Variants in SYCE3 observed in about 807,000 individuals in gnomAD.
The protein encoded by SYCE3 is testis highly expressed gene 2 protein.
Under a neutral mutation model 8.1 loss-of-function variants are expected in SYCE3, and 3 were observed. The ratio of observed to expected loss-of-function variants is 0.37; its 90% CI spans 0.17 to 0.96. The LOEUF (loss-of-function observed/expected upper bound fraction) is 0.96. Among genes scored for constraint, SYCE3 ranks in the 40% least tolerant of loss-of-function variants. SYCE3 has a pLI of 0.41. For synonymous variants in SYCE3, 36 were observed against 38.7 expected (o/e 0.93, Z 0.26); for missense variants, 83 against 110.0 (o/e 0.75, Z 1.10).
At chr22:50,561,365 T>G (rs1367777954) in intron 1 of SYCE3, among the ~76,000 whole-genome samples, 1 of 151,704 alleles carries the variant, frequency 6.6e-6, no homozygotes, top group Non-Finnish European at 1.5e-5. Flanking sequence ...GTGTGAGAGC[T>G]GATGTGGAGG....
At chr22:50,556,742 T>C (rs2069863672) in intron 1 of SYCE3, among the ~76,000 whole-genome samples, 1 of 152,192 alleles carries the variant, frequency 6.6e-6, no homozygotes, top group Non-Finnish European at 1.5e-5. Flanking sequence ...TGCAAAACCA[T>C]ATTGAGTACC....
chr22:50,561,402 G>T (rs1174698846), intron 1 of SYCE3, among the ~76,000 whole-genome samples: 5 of 152,044 alleles, frequency 3.3e-5, no homozygotes, highest in African/African-American at 1.2e-4. Context: ...AGAATTCACG[G>T]CATTTCTTGC....
intron 1 of SYCE3, among the ~76,000 whole-genome samples, chr22:50,558,280 C>T (rs533544853): frequency 2.0e-4 from 30 of 152,016 alleles, no homozygotes; most frequent in Admixed American, 1.0e-3. Flanking sequence ...AAAAATTAGC[C>T]GGGTGTGGCG....
chr22:50,561,645 T>C (rs779083608), intron 1 of SYCE3, among the ~76,000 whole-genome samples: 21 of 151,106 alleles, frequency 1.4e-4, no homozygotes, highest in Non-Finnish European at 4.4e-5. Flanking sequence ...GTCTGGTTTG[T>C]GGTCTGAGTG....
At chr22:50,556,274 AC>A (rs2069859579) in intron 2 of SYCE3, 22 bp downstream of exon 2, 1 of 1,496,514 alleles carries the variant, frequency 6.7e-7, no homozygotes, top group Non-Finnish European at 9.1e-7. Context: ...TGTCTCAGAT[AC>A]TTTTGGGTTC....
intron 1 of SYCE3, among the ~76,000 whole-genome samples, chr22:50,557,199 C>T (rs2069869161): frequency 6.6e-6 from 1 of 151,212 alleles, no homozygotes; most frequent in African/African-American, 2.4e-5. Flanking sequence ...TCTTGTTGCC[C>T]AGGCTGGAGC....
intron 1 of SYCE3, among the ~76,000 whole-genome samples, chr22:50,558,709 G>A (rs750934040): frequency 4.9e-4 from 75 of 152,296 alleles, no homozygotes; most frequent in Admixed American, 1.5e-3. Context: ...AGGTGGCAGG[G>A]CAGGGGGCTA....
intron 1 of SYCE3, among the ~76,000 whole-genome samples, chr22:50,559,440 T>C (rs2146598511): frequency 6.6e-6 from 1 of 152,334 alleles, no homozygotes; most frequent in Non-Finnish European, 1.5e-5. Flanking sequence ...ACTTCGATTT[T>C]TATTCTGAAT....
At chr22:50,552,493 A>G (rs2069819637) in intron 2 of SYCE3, among the ~76,000 whole-genome samples, 1 of 152,102 alleles carries the variant, frequency 6.6e-6, no homozygotes, top group Admixed American at 6.5e-5. Context: ...GCCCATCTCT[A>G]CTAAAAATAT....
chr22:50,556,943 T>G (rs1448860187), intron 1 of SYCE3, among the ~76,000 whole-genome samples: 1 of 152,168 alleles, frequency 6.6e-6, no homozygotes, highest in Non-Finnish European at 1.5e-5. Context: ...ACGTTTAATT[T>G]TAAAATATGA....
At chr22:50,559,149 C>T (rs1242582857) in intron 1 of SYCE3, among the ~76,000 whole-genome samples, 8 of 150,252 alleles carry the variant, frequency 5.3e-5, no homozygotes, top group South Asian at 4.2e-4. Flanking sequence ...TTTCTTGAGA[C>T]GGAGTCTCAC....
chr22:50,551,418 A>C lies in SYCE3; in HGVS notation c.110-16T>G, dbSNP rs2069808241. Reference sequence around the variant, plus strand: ...GTCGCCTGCACTGCAACAAGCAGACAGGACTGGTCAGGCCACAGGGAGGGG... The same window carrying C: ...GTCGCCTGCACTGCAACAAGCAGACCGGACTGGTCAGGCCACAGGGAGGGG... On this transcript the variant is annotated splice_polypyrimidine_tract_variant and intron_variant, in intron 2 of 2. Transcript: ENST00000406915. The C allele has an allele frequency of 6.5e-7, 1 of 1,543,984 alleles. No individual in the cohort carries two copies. The highest frequency in any genetic ancestry group is 8.7e-7 in the Non-Finnish European group (1 of 1,144,044).
chr22:50,553,202 A>AAAATAAATAAATAAATAAAT (rs368358510), intron 2 of SYCE3, among the ~76,000 whole-genome samples: 3,111 of 151,512 alleles, frequency 0.021, 114 homozygotes, highest in African/African-American at 0.067. Flanking sequence ...ACCCTGTCTC[A>AAAATAAATAAATAAATAAAT]AAATAAATAA....
intron 1 of SYCE3, among the ~76,000 whole-genome samples, chr22:50,559,682 G>C (rs138260882): frequency 6.6e-6 from 1 of 152,166 alleles, no homozygotes; most frequent in Non-Finnish European, 1.5e-5. Context: ...TGTAATCCCA[G>C]CACTTTGGAA....
chr22:50,556,083 G>A (rs755407344), intron 2 of SYCE3, among the ~76,000 whole-genome samples: 5 of 152,040 alleles, frequency 3.3e-5, no homozygotes, highest in African/African-American at 4.8e-5. Context: ...GTGAGCCACC[G>A]CGCCCGGCCG....
intron 1 of SYCE3, 22 bp downstream of exon 1, chr22:50,562,835 CA>C (rs2069943996): frequency 6.6e-6 from 1 of 152,134 alleles, no homozygotes; most frequent in Non-Finnish European, 1.5e-5. Context: ...GGCCGGGGCC[CA>C]GGGGGGCGCG....
chr22:50,554,433 C>T (rs1038772031), intron 2 of SYCE3, among the ~76,000 whole-genome samples: 19 of 152,070 alleles, frequency 1.2e-4, no homozygotes, highest in Non-Finnish European at 2.5e-4. Context: ...GTGGCTCACG[C>T]GTGTAATCCC....
intron 2 of SYCE3, 54 bp downstream of exon 2, chr22:50,556,243 C>G: frequency 7.4e-7 from 1 of 1,343,978 alleles, no homozygotes; most frequent in Admixed American, 2.0e-5. Flanking sequence ...GCAAAATAAA[C>G]TTTCTAAATT....
intron 2 of SYCE3, among the ~76,000 whole-genome samples, chr22:50,553,545 G>T (rs540762448): frequency 5.9e-5 from 9 of 152,156 alleles, no homozygotes; most frequent in African/African-American, 1.9e-4. Flanking sequence ...CACTGCAAAT[G>T]CCCTGCTGCT....
Sources: gnomAD v4.1 joint callset for allele counts (sites outside exome capture counted in the v4.1 genomes callset) on GRCh38, gnomAD v4.1.1 for gene constraint, MANE v1.5 for transcripts, NCBI Gene and HGNC (gene_info 2026-07-23, HGNC 2026-07-21) for gene names.